SYT10: variants seen among roughly 807,000 people sequenced by gnomAD.
SYT10 encodes the protein synaptotagmin-10.
In SYT10, 31 loss-of-function variants were observed where a neutral mutation model predicts 51.1. That is an observed-to-expected ratio of 0.61 (90% CI 0.46 to 0.82). The LOEUF (loss-of-function observed/expected upper bound fraction) is 0.82. Among genes scored for constraint, SYT10 ranks in the 40% least tolerant of loss-of-function variants. SYT10 has a pLI of 0.00. For missense variants in SYT10, 603 were observed against 634.0 expected (o/e 0.95, Z 0.53); for synonymous variants, 233 against 225.9 (o/e 1.03, Z -0.28).
intron 2 of SYT10, among the ~76,000 whole-genome samples, chr12:33,408,975 G>A (rs1333243072): frequency 6.6e-6 from 1 of 151,282 alleles, no homozygotes; most frequent in African/African-American, 2.4e-5. Context: ...TTCCATTGCT[G>A]TGGAGTCCAG....
intron 1 of SYT10, among the ~76,000 whole-genome samples, chr12:33,435,630 A>G (rs1210994120): frequency 6.6e-6 from 1 of 152,216 alleles, no homozygotes. Context: ...AATTCTTTAT[A>G]CAATCACTAG....
At chr12:33,439,326 G>T in intron 1 of SYT10, 46 bp downstream of exon 1, 1 of 1,578,680 alleles carries the variant, frequency 6.3e-7, no homozygotes, top group Non-Finnish European at 8.6e-7. Context: ...CTAGCGCGCG[G>T]GGTCCCAGCG....
In SYT10 at chr12:33,376,810, A is replaced by C. The variant is rs745553983; in HGVS notation, c.*20T>G. Reference sequence around the variant, plus strand: ...CACGTGATCCTAGATGCTTAATATCATGGTCTCATTTTGGAGGCATTATGG... The same window carrying C: ...CACGTGATCCTAGATGCTTAATATCCTGGTCTCATTTTGGAGGCATTATGG... On this transcript the variant is annotated 3_prime_UTR_variant, in exon 7 of 7. Transcript: ENST00000228567. The C allele has an allele frequency of 4.3e-6, 7 of 1,613,788 alleles. No individual in the cohort carries two copies. The East Asian group carries it at 1.1e-4, about 26-fold the overall frequency.
chr12:33,411,813 C>T (rs142675966), intron 2 of SYT10, among the ~76,000 whole-genome samples: 14 of 151,990 alleles, frequency 9.2e-5, no homozygotes, highest in African/African-American at 2.9e-4. Flanking sequence ...ATTTTGACCT[C>T]GAATCTACCC....
chr12:33,388,578 A>G (rs1245795321), intron 3 of SYT10, among the ~76,000 whole-genome samples: 1 of 152,180 alleles, frequency 6.6e-6, no homozygotes, highest in Non-Finnish European at 1.5e-5. Context: ...ATTTTGGGTA[A>G]GAAGATTTTT....
At chr12:33,389,031 AT>A (rs1330452439) in intron 3 of SYT10, among the ~76,000 whole-genome samples, 2 of 152,250 alleles carry the variant, frequency 1.3e-5, no homozygotes, top group Non-Finnish European at 2.9e-5. Flanking sequence ...GAAAGTAATC[AT>A]TAGGTTGGGC....
intron 1 of SYT10, among the ~76,000 whole-genome samples, chr12:33,430,151 C>T (rs1866584851): frequency 6.6e-6 from 1 of 152,234 alleles, no homozygotes; most frequent in African/African-American, 2.4e-5. Context: ...GGTTTGATTA[C>T]ATACACATGC....
intron 4 of SYT10, among the ~76,000 whole-genome samples, chr12:33,383,452 C>G (rs1034858654): frequency 2.6e-5 from 4 of 152,080 alleles, no homozygotes; most frequent in Non-Finnish European, 5.9e-5. Flanking sequence ...AAATATGTAT[C>G]TGTGTATTTC....
chr12:33,399,337 T>C (rs1365925408), intron 3 of SYT10, among the ~76,000 whole-genome samples: 1 of 152,226 alleles, frequency 6.6e-6, no homozygotes, highest in Non-Finnish European at 1.5e-5. Flanking sequence ...CATTTAAAAC[T>C]GGTGGCACAA....
At chr12:33,393,591 G>A (rs576367595) in intron 3 of SYT10, among the ~76,000 whole-genome samples, 2 of 152,194 alleles carry the variant, frequency 1.3e-5, no homozygotes, top group Non-Finnish European at 2.9e-5. Context: ...TCTTCTCCAC[G>A]TAATAGCCAC....
At chr12:33,377,898 G>A (rs1866077860) in intron 6 of SYT10, among the ~76,000 whole-genome samples, 1 of 152,170 alleles carries the variant, frequency 6.6e-6, no homozygotes, top group African/African-American at 2.4e-5. Flanking sequence ...AAAGTGCTGG[G>A]ATTACAGTCG....
At chr12:33,414,952 G>A (rs1866440196) in intron 2 of SYT10, among the ~76,000 whole-genome samples, 1 of 152,082 alleles carries the variant, frequency 6.6e-6, no homozygotes, top group Non-Finnish European at 1.5e-5. Flanking sequence ...AAAATCTGAG[G>A]CCAGAAGTTG....
At chr12:33,385,073 T>C in intron 4 of SYT10, 98 bp downstream of exon 4, 1 of 1,442,282 alleles carries the variant, frequency 6.9e-7, no homozygotes, top group Non-Finnish European at 9.4e-7. Flanking sequence ...AGTACTCCCA[T>C]TATAGGCAAA....
At chr12:33,378,944 G>A (rs577630039) in intron 6 of SYT10, among the ~76,000 whole-genome samples, 2 of 152,190 alleles carry the variant, frequency 1.3e-5, no homozygotes, top group Non-Finnish European at 2.9e-5. Flanking sequence ...CATATAAACA[G>A]ATATTGACGA....
chr12:33,433,035 C>A (rs1309659436), intron 1 of SYT10, among the ~76,000 whole-genome samples: 5 of 152,070 alleles, frequency 3.3e-5, no homozygotes, highest in African/African-American at 1.2e-4. Flanking sequence ...CTTATAGCTT[C>A]AGTGACTACT....
intron 3 of SYT10, among the ~76,000 whole-genome samples, chr12:33,393,130 C>G (rs1565492501): frequency 1.3e-5 from 2 of 151,896 alleles, no homozygotes; most frequent in Non-Finnish European, 2.9e-5. Flanking sequence ...AGTGACAGAG[C>G]TGAGGCCTTA....
chr12:33,391,875 T>C (rs1398009337), intron 3 of SYT10, among the ~76,000 whole-genome samples: 1 of 152,220 alleles, frequency 6.6e-6, no homozygotes, highest in East Asian at 1.9e-4. Flanking sequence ...TGACTTCCGT[T>C]AGTTGCAGGA....
In SYT10 at chr12:33,374,450, T is replaced by TG. The variant is rs1866045860; in HGVS notation, c.*2379dup. 6.6e-6 allele frequency: 1 copy of TG among 151,662 alleles called. No homozygotes were observed. The highest frequency in any genetic ancestry group is 2.1e-4 in the South Asian group (1 of 4,824). 9.4% of individuals were successfully genotyped at this position (151,662 alleles called of 1,614,324 possible). A position where few individuals can be genotyped will look rare whatever the true frequency, so the allele number is the denominator to read the frequency against. ...TCATCTTCAATTACAAGCAGAAAGA[T>TG]GGTAAGTTATGTGTATATGAATGTG... On this transcript the variant is annotated 3_prime_UTR_variant, in exon 7 of 7. Transcript: ENST00000228567.
At chr12:33,414,890 T>C (rs1244880425) in intron 2 of SYT10, among the ~76,000 whole-genome samples, 1 of 152,182 alleles carries the variant, frequency 6.6e-6, no homozygotes, top group African/African-American at 2.4e-5. Flanking sequence ...ATATAATGTA[T>C]TAATATGGTC....
Sources: allele counts gnomAD v4.1 joint callset (sites outside exome capture counted in the v4.1 genomes callset), GRCh38; gene constraint gnomAD v4.1.1; transcripts MANE v1.5; gene names NCBI Gene and HGNC (gene_info 2026-07-23, HGNC 2026-07-21).